The following RNF217 variants were observed in gnomAD, a reference collection of about 807,000 sequenced individuals.
The protein encoded by RNF217 is ring finger protein 217.
RNF217 carries 31 observed loss-of-function variants against 57.8 expected under a neutral mutation model. That is an observed-to-expected ratio of 0.54 (90% CI 0.40 to 0.72). The LOEUF is 0.72. Among genes scored for constraint, RNF217 ranks in the 30% least tolerant of loss-of-function variants. The probability of loss-of-function intolerance (pLI) is 0.00; values close to 1 mark genes in which losing one functional copy is unlikely to be tolerated. For synonymous variants in RNF217, 313 were observed against 294.0 expected, an observed-to-expected ratio of 1.06 and a Z score of -0.66; for missense variants, 696 against 708.3, an observed-to-expected ratio of 0.98 and a Z score of 0.20.
chr6:125,080,237 T>C (rs1298672231), intron 4 of RNF217, among the ~76,000 whole-genome samples: 1 of 152,164 alleles, frequency 6.6e-6, no homozygotes, highest in Non-Finnish European at 1.5e-5. Flanking sequence ...ACTTATTACT[T>C]ACTTGGATTC....
intron 1 of RNF217, chr6:125,009,071 A>T (rs1169182582): frequency 1.2e-5 from 6 of 519,166 alleles, no homozygotes; most frequent in African/African-American, 1.9e-5. Context: ...GAGAACAAGG[A>T]AGTAGATAGA....
chr6:125,007,477 C>A (rs1266369888), intron 1 of RNF217, among the ~76,000 whole-genome samples: 2 of 152,018 alleles, frequency 1.3e-5, no homozygotes, highest in Admixed American at 6.5e-5. Context: ...AAACTCCCGA[C>A]CTCAGGTGAT....
intron 1 of RNF217, among the ~76,000 whole-genome samples, chr6:124,999,164 C>G (rs1001086844): frequency 6.6e-6 from 1 of 152,154 alleles, no homozygotes; most frequent in Non-Finnish European, 1.5e-5. Flanking sequence ...GCCTAGTGGC[C>G]CCTAGTCCAG....
chr6:124,999,866 C>G (rs575075952), intron 1 of RNF217, among the ~76,000 whole-genome samples: 69 of 152,184 alleles, frequency 4.5e-4, no homozygotes, highest in Non-Finnish European at 7.4e-4. Context: ...AGCTATTAAA[C>G]TATTAAATAA....
At chr6:125,046,709 T>G (rs1787112032) in intron 2 of RNF217, 1 of 455,702 alleles carries the variant, frequency 2.2e-6, no homozygotes, top group South Asian at 1.6e-5. Context: ...AGTTACATTA[T>G]TCATTTTGTA....
At chr6:125,045,491 G>A in intron 2 of RNF217, 47 bp downstream of exon 2, 2 of 1,442,942 alleles carry the variant, frequency 1.4e-6, no homozygotes, top group African/African-American at 1.4e-5. Context: ...CATGGCAGAA[G>A]CAGCCAGATT....
intron 1 of RNF217, chr6:124,971,727 T>G (rs961141875): frequency 1.9e-5 from 3 of 154,450 alleles, no homozygotes; most frequent in African/African-American, 7.2e-5. Context: ...GTGCTGAGAT[T>G]ACAGGCGTGA....
At chr6:124,984,708 C>T (rs1316015288) in intron 1 of RNF217, among the ~76,000 whole-genome samples, 1 of 151,814 alleles carries the variant, frequency 6.6e-6, no homozygotes, top group Non-Finnish European at 1.5e-5. Flanking sequence ...GATGTGTAAT[C>T]AAATTTTAAG....
At chr6:125,027,990 T>C (rs1187357514) in intron 1 of RNF217, among the ~76,000 whole-genome samples, 3 of 152,142 alleles carry the variant, frequency 2.0e-5, no homozygotes, top group Non-Finnish European at 4.4e-5. Context: ...TTTTTTCCTG[T>C]AGGGTTGTTT....
chr6:125,074,366 G>T (rs1788279257), intron 3 of RNF217, among the ~76,000 whole-genome samples: 1 of 151,726 alleles, frequency 6.6e-6, no homozygotes, highest in Admixed American at 6.6e-5. Context: ...TGGGAGGAAG[G>T]GGGAGAGAGA....
At chr6:125,080,031 C>T (rs1160786516) in intron 4 of RNF217, among the ~76,000 whole-genome samples, 1 of 151,856 alleles carries the variant, frequency 6.6e-6, no homozygotes, top group African/African-American at 2.4e-5. Context: ...AAAAGAAAAT[C>T]AATGCTGTTA....
Position 125,089,806 on chromosome 6 carries a change from T to C in RNF217, c.*6869T>C, listed in dbSNP as rs1161355790. ...GCCCCAGCTTGGGAAATATTCTTAG[T>C]AATCCAATCAAATCCTTAAAAACAG... On this transcript the variant is annotated 3_prime_UTR_variant, in exon 6 of 6. Coordinates refer to ENST00000521654, the MANE Select transcript of RNF217 (RefSeq NM_001286398.3). 6.6e-6 allele frequency: 1 copy of C among 152,172 alleles called. No individual in the cohort carries two copies. Among genetic ancestry groups the C allele is most frequent in the South Asian group, 2.1e-4 (1 of 4,834 alleles). 9.4% of individuals were successfully genotyped at this position (152,172 alleles called of 1,614,324 possible). A position where few individuals can be genotyped will look rare whatever the true frequency, so the allele number is the denominator to read the frequency against.
chr6:125,055,534 A>C (rs1481323769), intron 2 of RNF217, among the ~76,000 whole-genome samples: 2 of 152,222 alleles, frequency 1.3e-5, no homozygotes, highest in Non-Finnish European at 2.9e-5. Context: ...ACATTTATAG[A>C]GCGAATCCGA....
chr6:124,984,643 GT>G (rs957362621), intron 1 of RNF217, among the ~76,000 whole-genome samples: 2 of 151,724 alleles, frequency 1.3e-5, no homozygotes, highest in African/African-American at 2.4e-5. Flanking sequence ...AAAAAATTAG[GT>G]TTTTTTTAAT....
intron 3 of RNF217, among the ~76,000 whole-genome samples, chr6:125,064,482 AT>A (rs766042548): frequency 2.6e-5 from 4 of 152,198 alleles, no homozygotes; most frequent in Non-Finnish European, 5.9e-5. Flanking sequence ...ATAATATTTT[AT>A]TTTAAAAATC....
At chr6:125,026,597 C>T (rs1261749722) in intron 1 of RNF217, among the ~76,000 whole-genome samples, 1 of 152,122 alleles carries the variant, frequency 6.6e-6, no homozygotes, top group Non-Finnish European at 1.5e-5. Context: ...AAAGGTATTC[C>T]TGTTTTGGGG....
chr6:125,015,927 A>G (rs1785585140), intron 1 of RNF217, among the ~76,000 whole-genome samples: 1 of 152,158 alleles, frequency 6.6e-6, no homozygotes, highest in Admixed American at 6.5e-5. Flanking sequence ...AAAAAATTAA[A>G]TTTTTGTTCA....
At chr6:125,075,749 T>G (rs1337206531) in intron 3 of RNF217, among the ~76,000 whole-genome samples, 1 of 152,208 alleles carries the variant, frequency 6.6e-6, no homozygotes, top group African/African-American at 2.4e-5. Flanking sequence ...TTATGATTAT[T>G]CATGCAACAA....
At chr6:125,050,444 ATC>A (rs1234309643) in intron 2 of RNF217, among the ~76,000 whole-genome samples, 13 of 151,922 alleles carry the variant, frequency 8.6e-5, no homozygotes, top group African/African-American at 2.4e-4. Context: ...TGCTTACCTT[ATC>A]TCTCTAGCTG....
Sources: gnomAD v4.1 joint callset for allele counts (sites outside exome capture counted in the v4.1 genomes callset) on GRCh38, gnomAD v4.1.1 for gene constraint, MANE v1.5 for transcripts, NCBI Gene and HGNC (gene_info 2026-07-23, HGNC 2026-07-21) for gene names.